The following TOP6BL variants were observed in gnomAD, a reference collection of about 807,000 sequenced individuals.
TOP6BL encodes TOP6B like initiator of meiotic double strand breaks, also known as type 2 DNA topoisomerase 6 subunit B-like.
chr11:66,813,586 A>G, the TOP6BL span, among the ~76,000 whole-genome samples: 2 of 152,124 alleles, frequency 1.3e-5, no homozygotes, highest in African/African-American at 4.8e-5. Context: ...TACAAAAATT[A>G]GTCAGGCATA....
At chr11:66,784,642 G>A in the TOP6BL span, among the ~76,000 whole-genome samples, 1 of 152,222 alleles carries the variant, frequency 6.6e-6, no homozygotes, top group Non-Finnish European at 1.5e-5. Flanking sequence ...CATACAATAT[G>A]TAGCATTTAG....
At chr11:66,750,884 C>T in the TOP6BL span, among the ~76,000 whole-genome samples, 3 of 146,036 alleles carry the variant, frequency 2.1e-5, no homozygotes, top group Non-Finnish European at 4.5e-5. Flanking sequence ...TTGTATTTTT[C>T]TAGAGACAGG....
chr11:66,788,323 G>T, the TOP6BL span: 2 of 1,298,606 alleles, frequency 1.5e-6, no homozygotes, highest in South Asian at 1.3e-5. Context: ...TTATTTTTCT[G>T]CAATCTAATA....
At chr11:66,785,354 T>C in the TOP6BL span, among the ~76,000 whole-genome samples, 2 of 152,196 alleles carry the variant, frequency 1.3e-5, no homozygotes, top group Non-Finnish European at 2.9e-5. Flanking sequence ...AGGTATAAAA[T>C]ATAGATACTT....
the TOP6BL span, chr11:66,748,364 T>C: frequency 6.6e-7 from 1 of 1,519,478 alleles, no homozygotes; most frequent in East Asian, 2.5e-5. Context: ...TTTCTTTGAA[T>C]TGTGCTCTTT....
chr11:66,805,609 C>T, the TOP6BL span, among the ~76,000 whole-genome samples: 755 of 152,176 alleles, frequency 5.0e-3, 2 homozygotes, highest in Non-Finnish European at 8.9e-3. Context: ...TGCATGCCAC[C>T]ATGCCCAGTT....
chr11:66,816,301 GAATA>G, the TOP6BL span: 3 of 1,273,300 alleles, frequency 2.4e-6, no homozygotes, highest in East Asian at 2.6e-5. Context: ...TATTTCTGTA[GAATA>G]AATAAGTTCA....
the TOP6BL span, among the ~76,000 whole-genome samples, chr11:66,841,062 A>G: frequency 6.7e-6 from 1 of 150,206 alleles, no homozygotes; most frequent in African/African-American, 2.5e-5. Flanking sequence ...TTCATGATTA[A>G]TCCAATTTAT....
chr11:66,745,324 C>CGGG, the TOP6BL span, among the ~76,000 whole-genome samples: 1 of 142,030 alleles, frequency 7.0e-6, no homozygotes, highest in African/African-American at 2.7e-5. Flanking sequence ...TGGGGGGAGT[C>CGGG]GGGGCGCCAG....
At chr11:66,780,437 T>C in the TOP6BL span, among the ~76,000 whole-genome samples, 1 of 152,178 alleles carries the variant, frequency 6.6e-6, no homozygotes, top group Non-Finnish European at 1.5e-5. Context: ...GATTATTTCA[T>C]CTTCTATCTT....
chr11:66,757,033 C>T, the TOP6BL span, among the ~76,000 whole-genome samples: 6,154 of 53,450 alleles, frequency 0.12, 192 homozygotes, highest in Middle Eastern at 0.21. Context: ...TTATAAAGGG[C>T]GGAGGCGGCG....
At chr11:66,830,982 G>T in the TOP6BL span, among the ~76,000 whole-genome samples, 1,786 of 152,124 alleles carry the variant, frequency 0.012, 21 homozygotes, top group Middle Eastern at 0.024. Context: ...CACGAAAGAA[G>T]CTACAGATAC....
At chr11:66,832,013 A>C in the TOP6BL span, among the ~76,000 whole-genome samples, 8 of 151,222 alleles carry the variant, frequency 5.3e-5, no homozygotes, top group African/African-American at 9.7e-5. Flanking sequence ...AAAAAAAAAA[A>C]AAACAAAAAA....
the TOP6BL span, among the ~76,000 whole-genome samples, chr11:66,764,405 G>A: frequency 6.6e-6 from 1 of 151,048 alleles, no homozygotes; most frequent in Non-Finnish European, 1.5e-5. Context: ...TGTAATCCCA[G>A]CACTTTGGGA....
the TOP6BL span, among the ~76,000 whole-genome samples, chr11:66,806,519 G>A: frequency 2.6e-5 from 4 of 152,198 alleles, no homozygotes; most frequent in Non-Finnish European, 4.4e-5. Flanking sequence ...TGTAATCCCA[G>A]CACTTTGGGA....
At chr11:66,767,440 T>C in the TOP6BL span, among the ~76,000 whole-genome samples, 2 of 152,208 alleles carry the variant, frequency 1.3e-5, no homozygotes, top group Non-Finnish European at 2.9e-5. Flanking sequence ...GATGGAGGAA[T>C]ATGAAAAAAA....
At chr11:66,829,969 A>T in the TOP6BL span, among the ~76,000 whole-genome samples, 6 of 152,324 alleles carry the variant, frequency 3.9e-5, no homozygotes, top group East Asian at 1.2e-3. Context: ...ATCCAAAATT[A>T]TATTTTGAGA....
the TOP6BL span, among the ~76,000 whole-genome samples, chr11:66,764,315 C>G: frequency 6.6e-6 from 1 of 151,924 alleles, no homozygotes; most frequent in Non-Finnish European, 1.5e-5. Context: ...AAAGATCATT[C>G]CTAGTGGCCC....
chr11:66,808,942 T>TTG, the TOP6BL span, among the ~76,000 whole-genome samples: 7 of 151,950 alleles, frequency 4.6e-5, no homozygotes, highest in East Asian at 1.9e-4. Context: ...TGAGACAGAT[T>TTG]TGTGTGTGTG....
Sources: gnomAD v4.1 joint callset for allele counts (sites outside exome capture counted in the v4.1 genomes callset) on GRCh38, gnomAD v4.1.1 for gene constraint, MANE v1.5 for transcripts, NCBI Gene and HGNC (gene_info 2026-07-23, HGNC 2026-07-21) for gene names.